The following ANK2 variants were observed in gnomAD, a reference collection of about 807,000 sequenced individuals.
ANK2 encodes the protein ankyrin 2.
A neutral mutation model predicts 360.5 loss-of-function variants in ANK2; 83 were observed. The ratio of observed to expected loss-of-function variants is 0.23; its 90% confidence interval spans 0.19 to 0.28. The LOEUF (loss-of-function observed/expected upper bound fraction) is 0.28, where lower values mean the gene tolerates loss of function less well. Ranked by LOEUF, ANK2 falls within the 10% of genes least tolerant of loss-of-function variation. The pLI is 1.00. For missense variants in ANK2, 4,201 were observed against 4,795.7 expected (o/e 0.88, Z 3.66); for synonymous variants, 1,740 against 1,759.5 (o/e 0.99, Z 0.28).
At chr4:113,269,612 C>G (rs2057717436) in intron 14 of ANK2, among the ~76,000 whole-genome samples, 1 of 152,234 alleles carries the variant, frequency 6.6e-6, no homozygotes, top group Non-Finnish European at 1.5e-5. Context: ...CACCCACTGT[C>G]TAACCAATCC....
chr4:113,185,789 C>T (rs1277695002), intron 2 of ANK2, among the ~76,000 whole-genome samples: 2 of 152,290 alleles, frequency 1.3e-5, no homozygotes, highest in East Asian at 3.9e-4. Context: ...TTGTCCATGC[C>T]TATGTCCTGA....
At chr4:112,750,368 G>GA in the ANK2 span, among the ~76,000 whole-genome samples, 3,049 of 151,966 alleles carry the variant, frequency 0.02, 109 homozygotes, top group African/African-American at 0.07. Context: ...CTCAAAAAAA[G>GA]AAAAAAAGAT....
In ANK2 at chr4:113,224,885, T is replaced by G. The variant is rs1050898880; in HGVS notation, c.385-7276T>G. Among the ~76,000 whole-genome samples the G allele has an allele frequency of 3.3e-5, 5 of 151,692 alleles. No homozygotes were observed. The South Asian group carries it at 6.2e-4, about 19-fold the overall frequency. On this transcript the variant is annotated intron_variant, in intron 4 of 45. Coordinates refer to ENST00000357077, the MANE Select transcript of ANK2 (RefSeq NM_001148.6). ...CTAAGAGATCTTTGAAGTTTTTTTT[T>G]TTTTTTTTTTTAATTTTAAGACCTG...
In ANK2 at chr4:113,367,667, G is replaced by A. The variant is rs146476345; in HGVS notation, c.11134G>A (p.Val3712Ile). 86 of 1,613,708 alleles carry A rather than the reference G, an allele frequency of 5.3e-5. No homozygotes were observed. The highest frequency in any genetic ancestry group is 1.6e-4 in the Middle Eastern group (1 of 6,084). Residue 3712 changes from valine to isoleucine, a missense_variant, in exon 42 of 46, where the codon GTC becomes ATC. Val to Ile is a conservative substitution (Grantham distance 29). Coordinates refer to ENST00000357077, the MANE Select transcript of ANK2 (RefSeq NM_001148.6). Reference protein sequence around the residue: ...ESETCDHPPIVSEEDISVGYS... With the variant: ...ESETCDHPPIISEEDISVGYS... Reference sequence around the variant, plus strand: ...TGAGACCTGCGATCACCCTCCTATCGTCTCAGAGGAAGACATTTCTGTTGG... The same window carrying A: ...TGAGACCTGCGATCACCCTCCTATCATCTCAGAGGAAGACATTTCTGTTGG...
At chr4:113,192,146 G>A (rs949489549) in intron 2 of ANK2, among the ~76,000 whole-genome samples, 1 of 152,156 alleles carries the variant, frequency 6.6e-6, no homozygotes, top group Non-Finnish European at 1.5e-5. Flanking sequence ...CGTGTGCTAT[G>A]GTGGTTTGCC....
At chr4:112,967,040 A>T (rs1462355424) in intron 2 of ANK2, among the ~76,000 whole-genome samples, 1 of 152,164 alleles carries the variant, frequency 6.6e-6, no homozygotes, top group Non-Finnish European at 1.5e-5. Context: ...AGTAGGAGAA[A>T]ATATATTCTC....
chr4:112,790,063 C>T, the ANK2 span, among the ~76,000 whole-genome samples: 3 of 152,100 alleles, frequency 2.0e-5, no homozygotes, highest in African/African-American at 7.2e-5. Flanking sequence ...ATGGTGATAG[C>T]AAAGGATTCA....
intron 1 of ANK2, among the ~76,000 whole-genome samples, chr4:112,856,364 CTT>C (rs2066403005): frequency 6.6e-6 from 1 of 152,182 alleles, no homozygotes. Context: ...TCTTACAACT[CTT>C]TGCAGGTAAG....
chr4:113,373,511 A>G, intron 45 of ANK2, 62 bp downstream of exon 45: 1 of 1,535,000 alleles, frequency 6.5e-7, no homozygotes, highest in Non-Finnish European at 9.0e-7. Flanking sequence ...AGCTCAAGAA[A>G]GATGAGTGAG....
chr4:113,240,659 G>C, intron 8 of ANK2, 76 bp downstream of exon 8: 2 of 1,307,480 alleles, frequency 1.5e-6, no homozygotes, highest in East Asian at 2.4e-5. Flanking sequence ...AACACCAATG[G>C]CTTTCTTAAA....
rs1554262276 is a variant in ANK2, at chr4:113,199,066, A to G, written c.341A>G (p.Lys114Arg). Residue 114 changes from lysine (K) to arginine (R), a missense_variant, in exon 4 of 46, where the codon AAA (lysine) becomes AGA (arginine). Physicochemically the swap from Lys to Arg is conservative, Grantham distance 26. This residue lies in a region of ANK2 where 169 missense variants were observed against 191.1 expected (regional missense o/e 0.88). Transcript: ENST00000357077. ...ASLAGQAEVV[K>R]VLVKEGANIN... is the part of the protein sequence containing the mutation. ...TTGGCTGGACAAGCAGAAGTTGTCA[A>G]AGTTCTTGTTAAGGAAGGAGCCAAT... 5 of 1,613,508 alleles carry G rather than the reference A, an allele frequency of 3.1e-6. No individual in the cohort carries two copies. Among genetic ancestry groups the G allele is most frequent in the Non-Finnish European group, 4.2e-6 (5 of 1,179,606 alleles).
At chr4:113,073,746 T>G (rs1025041546) in intron 1 of ANK2, among the ~76,000 whole-genome samples, 3 of 152,176 alleles carry the variant, frequency 2.0e-5, no homozygotes, top group Non-Finnish European at 4.4e-5. Context: ...AGCTTGACTC[T>G]CCTGCTGATC....
the ANK2 span, among the ~76,000 whole-genome samples, chr4:112,768,134 A>G: frequency 6.6e-6 from 1 of 152,150 alleles, no homozygotes; most frequent in African/African-American, 2.4e-5. Context: ...CACTTTATAT[A>G]TTGTCCTTTA....
chr4:113,315,834 T>C (rs2082579951), intron 24 of ANK2, among the ~76,000 whole-genome samples: 1 of 147,364 alleles, frequency 6.8e-6, no homozygotes, highest in South Asian at 2.1e-4. Flanking sequence ...GAGGCGGAGC[T>C]TGCACTGAGC....
the ANK2 span, among the ~76,000 whole-genome samples, chr4:112,746,990 A>T: frequency 9.9e-4 from 151 of 152,318 alleles, no homozygotes; most frequent in African/African-American, 3.5e-3. Context: ...CTATTATATT[A>T]TTTCAGGAAT....
chr4:113,120,671 T>C (rs1157326937), intron 1 of ANK2, among the ~76,000 whole-genome samples: 1 of 152,078 alleles, frequency 6.6e-6, no homozygotes, highest in Non-Finnish European at 1.5e-5. Context: ...TAAATGTGTA[T>C]CATGGGGGTT....
At chr4:113,274,255 C>T (rs948200459) in intron 14 of ANK2, among the ~76,000 whole-genome samples, 197 bp from the exon 15 acceptor site, 7 of 152,092 alleles carry the variant, frequency 4.6e-5, no homozygotes, top group African/African-American at 1.7e-4. Context: ...TTTTAAAAAT[C>T]AAAGGGAGAC....
chr4:113,252,903 A>G (rs574993228), intron 10 of ANK2, among the ~76,000 whole-genome samples: 1 of 152,328 alleles, frequency 6.6e-6, no homozygotes, highest in South Asian at 2.1e-4. Flanking sequence ...TCAGCTGGTA[A>G]TGCTGCCTGA....
intron 2 of ANK2, among the ~76,000 whole-genome samples, chr4:113,010,136 G>A (rs919862355): frequency 6.6e-6 from 1 of 152,094 alleles, no homozygotes; most frequent in African/African-American, 2.4e-5. Flanking sequence ...GAACTGTATT[G>A]TGTGATTCTT....
Sources: allele counts gnomAD v4.1 joint callset (sites outside exome capture counted in the v4.1 genomes callset), GRCh38; gene constraint gnomAD v4.1.1; regional missense constraint gnomAD v4.1.1; transcripts MANE v1.5; gene names NCBI Gene and HGNC (gene_info 2026-07-23, HGNC 2026-07-21).